The following EPHB1 variants were observed in gnomAD, a reference collection of about 807,000 sequenced individuals.
EPHB1 encodes the protein ephrin type-B receptor 1.
EPHB1 carries 30 observed loss-of-function variants against 94.4 expected under a neutral mutation model. The observed-to-expected ratio is 0.32, with a 90% confidence interval of 0.24 to 0.43. The LOEUF (loss-of-function observed/expected upper bound fraction) is 0.43. EPHB1 is among the 20% of genes least tolerant of loss of function. The probability of loss-of-function intolerance (pLI) is 1.00; values close to 1 mark genes in which losing one functional copy is unlikely to be tolerated. For synonymous variants in EPHB1, 522 were observed against 489.1 expected (o/e 1.07, Z -0.89); for missense variants, 1,055 against 1,308.3 (o/e 0.81, Z 2.99).
At chr3:134,800,854 C>T (rs1193151082) in intron 1 of EPHB1, among the ~76,000 whole-genome samples, 1 of 152,176 alleles carries the variant, frequency 6.6e-6, no homozygotes, top group African/African-American at 2.4e-5. Flanking sequence ...AACTCCTCTC[C>T]CACTTTTTAG....
chr3:135,229,517 A>G (rs1371078273), intron 12 of EPHB1, among the ~76,000 whole-genome samples: 1 of 152,170 alleles, frequency 6.6e-6, no homozygotes, highest in Non-Finnish European at 1.5e-5. Flanking sequence ...CAATGAAAAG[A>G]AGGAATATAC....
At chr3:134,845,771 C>T (rs2036861244) in intron 1 of EPHB1, among the ~76,000 whole-genome samples, 1 of 152,218 alleles carries the variant, frequency 6.6e-6, no homozygotes. Context: ...TATCATTTTA[C>T]CCACTGTTTT....
intron 3 of EPHB1, among the ~76,000 whole-genome samples, chr3:135,016,457 A>G (rs918137037): frequency 2.6e-5 from 4 of 152,192 alleles, no homozygotes; most frequent in Non-Finnish European, 5.9e-5. Flanking sequence ...AGATTGGAGG[A>G]GGGGAACAAG....
chr3:134,961,958 G>A (rs1933536853), intron 3 of EPHB1, among the ~76,000 whole-genome samples: 1 of 152,118 alleles, frequency 6.6e-6, no homozygotes, highest in Admixed American at 6.5e-5. Flanking sequence ...TATATGCCAA[G>A]CACTTTTCTA....
At chr3:135,078,864 A>G (rs991162064) in intron 3 of EPHB1, among the ~76,000 whole-genome samples, 11 of 152,226 alleles carry the variant, frequency 7.2e-5, no homozygotes, top group Non-Finnish European at 2.9e-5. Context: ...TGGACAGAGA[A>G]CTTTGCGTAG....
intron 5 of EPHB1, among the ~76,000 whole-genome samples, chr3:135,143,148 T>G: frequency 6.6e-6 from 1 of 151,096 alleles, no homozygotes; most frequent in Non-Finnish European, 1.5e-5. Flanking sequence ...AGTTTCCTGA[T>G]TTGTAAGTGG....
At chr3:135,156,335 G>A (rs1941354351) in intron 6 of EPHB1, among the ~76,000 whole-genome samples, 1 of 152,144 alleles carries the variant, frequency 6.6e-6, no homozygotes, top group Non-Finnish European at 1.5e-5. Context: ...AGGTCTTGCA[G>A]TGGGTCAATG....
At chr3:135,105,592 G>A (rs975803678) in intron 3 of EPHB1, among the ~76,000 whole-genome samples, 2 of 152,142 alleles carry the variant, frequency 1.3e-5, no homozygotes, top group African/African-American at 4.8e-5. Flanking sequence ...ATAGCTTGGA[G>A]CCAGACTTTT....
intron 3 of EPHB1, among the ~76,000 whole-genome samples, chr3:134,960,778 G>T (rs1933485896): frequency 6.6e-6 from 1 of 152,196 alleles, no homozygotes; most frequent in African/African-American, 2.4e-5. Flanking sequence ...GGCCAGCAAG[G>T]CCAAACCCAG....
At chr3:135,183,011 TTTTCTTTTCTTTTCTTTTC>T (rs1357769110) in intron 10 of EPHB1, among the ~76,000 whole-genome samples, 2,486 of 71,838 alleles carry the variant, frequency 0.035, 31 homozygotes, top group Middle Eastern at 0.071. Flanking sequence ...TTTTCTTTTC[TTTTCTTTTCTTTTCTTTTC>T]TTTCTTTCTT....
chr3:134,807,568 A>G (rs76023799), intron 1 of EPHB1, among the ~76,000 whole-genome samples: 4,085 of 149,848 alleles, frequency 0.027, 144 homozygotes, highest in African/African-American at 0.064. Flanking sequence ...GAGAGAGAGA[A>G]AAAAAAAAGT....
intron 1 of EPHB1, among the ~76,000 whole-genome samples, chr3:134,922,497 C>T (rs1317324572): frequency 2.0e-5 from 3 of 152,218 alleles, no homozygotes; most frequent in Non-Finnish European, 4.4e-5. Context: ...GATTTAATTA[C>T]AGCACTAGAG....
intron 13 of EPHB1, among the ~76,000 whole-genome samples, chr3:135,242,449 G>T (rs1403688565): frequency 6.6e-6 from 1 of 152,182 alleles, no homozygotes; most frequent in Non-Finnish European, 1.5e-5. Flanking sequence ...TAGTGCCATG[G>T]CAGCTGCTCG....
At chr3:134,870,125 G>T (rs778738560) in intron 1 of EPHB1, among the ~76,000 whole-genome samples, 1 of 152,178 alleles carries the variant, frequency 6.6e-6, no homozygotes, top group Non-Finnish European at 1.5e-5. Flanking sequence ...TGGGTTAATT[G>T]CAGTGGTTGT....
chr3:134,873,254 G>A (rs1478132003), intron 1 of EPHB1, among the ~76,000 whole-genome samples: 3 of 152,194 alleles, frequency 2.0e-5, no homozygotes, highest in African/African-American at 7.2e-5. Flanking sequence ...ATTCCTCTGT[G>A]TTCTGATTCC....
intron 12 of EPHB1, among the ~76,000 whole-genome samples, chr3:135,219,023 A>G (rs1419795782): frequency 2.0e-5 from 3 of 152,154 alleles, no homozygotes; most frequent in Non-Finnish European, 4.4e-5. Context: ...AGGGAGTTGG[A>G]GGAGCCTGAG....
In EPHB1 at chr3:134,928,594, G is replaced by A. The variant is rs576127873; in HGVS notation, c.123+2714G>A. Among the ~76,000 whole-genome samples the A allele has an allele frequency of 2.2e-4, 34 of 152,174 alleles. 1 individual carries two copies. The highest frequency in any genetic ancestry group is 8.2e-4 in the African/African-American group (34 of 41,448). On this transcript the variant is annotated intron_variant, in intron 2 of 15. Coordinates refer to ENST00000398015, the MANE Select transcript of EPHB1 (RefSeq NM_004441.5). ...GGAGGAGTATGCTTGGGTGGGAAGAGGATGAGTCAATCTGGGACCTGTCAA... is the reference window on the plus strand; with the variant it reads ...GGAGGAGTATGCTTGGGTGGGAAGAAGATGAGTCAATCTGGGACCTGTCAA...
intron 5 of EPHB1, among the ~76,000 whole-genome samples, chr3:135,134,741 G>A (rs1375625921): frequency 6.6e-6 from 1 of 152,166 alleles, no homozygotes; most frequent in African/African-American, 2.4e-5. Flanking sequence ...AAGAGTTTAG[G>A]CAGAAAACTG....
intron 1 of EPHB1, among the ~76,000 whole-genome samples, chr3:134,829,633 T>C (rs2036544378): frequency 6.6e-6 from 1 of 152,192 alleles, no homozygotes; most frequent in African/African-American, 2.4e-5. Context: ...TTATTAAATA[T>C]TGACTTGTGT....
Sources: allele counts gnomAD v4.1 joint callset (sites outside exome capture counted in the v4.1 genomes callset), GRCh38; gene constraint gnomAD v4.1.1; transcripts MANE v1.5; gene names NCBI Gene and HGNC (gene_info 2026-07-23, HGNC 2026-07-21).